The following SYTL3 variants were observed in gnomAD, a reference collection of about 807,000 sequenced individuals.
The protein encoded by SYTL3 is synaptotagmin like 3.
Under a neutral mutation model 82.1 loss-of-function variants are expected in SYTL3, and 88 were observed. The ratio of observed to expected loss-of-function variants is 1.07; its 90% confidence interval spans 0.90 to 1.28. SYTL3 has a LOEUF of 1.28. SYTL3 is among the 50% of genes most tolerant of loss of function. SYTL3 has a pLI of 0.00. For synonymous variants in SYTL3, 311 were observed against 289.4 expected, an observed-to-expected ratio of 1.07 and a Z score of -0.76; for missense variants, 831 against 757.6, an observed-to-expected ratio of 1.10 and a Z score of -1.14.
At chr6:158,718,292 A>T in intron 10 of SYTL3, 81 bp downstream of exon 10, 1 of 1,299,914 alleles carries the variant, frequency 7.7e-7, no homozygotes, top group East Asian at 3.0e-5. Flanking sequence ...TTCTCTGTAG[A>T]TTTATGTTTT....
intron 6 of SYTL3, among the ~76,000 whole-genome samples, chr6:158,702,643 G>A (rs984655690): frequency 2.0e-5 from 3 of 152,054 alleles, no homozygotes; most frequent in Non-Finnish European, 2.9e-5. Context: ...GAAAATGTTC[G>A]AATAGAAGCA....
intron 5 of SYTL3, among the ~76,000 whole-genome samples, chr6:158,672,240 G>T (rs533103227): frequency 1.6e-4 from 25 of 152,138 alleles, no homozygotes; most frequent in Non-Finnish European, 3.4e-4. Flanking sequence ...GCAGTGAGCC[G>T]AGATTGCACT....
chr6:158,659,606 C>T (rs151277525), intron 2 of SYTL3, among the ~76,000 whole-genome samples: 2,765 of 152,294 alleles, frequency 0.018, 90 homozygotes, highest in African/African-American at 0.063. Context: ...CCGCCCGCCT[C>T]GGCCTCCCAG....
At chr6:158,762,362 G>A (rs1790091494) in intron 16 of SYTL3, among the ~76,000 whole-genome samples, 184 bp downstream of exon 16, 2 of 152,032 alleles carry the variant, frequency 1.3e-5, no homozygotes, top group Non-Finnish European at 1.5e-5. Context: ...ATGTGTACAT[G>A]CTGGAGTACT....
intron 6 of SYTL3, among the ~76,000 whole-genome samples, chr6:158,704,150 A>T (rs1188157944): frequency 1.4e-4 from 5 of 34,744 alleles, no homozygotes; most frequent in African/African-American, 8.6e-4. Context: ...TTAAATGGTT[A>T]AAAAAAAAAA....
At chr6:158,651,912 A>T (rs1241605816) in intron 2 of SYTL3, 70 bp downstream of exon 2, 2 of 150,878 alleles carry the variant, frequency 1.3e-5, no homozygotes, top group African/African-American at 2.4e-5. Context: ...TTATTTATTT[A>T]TTTTTATGTA....
intron 13 of SYTL3, among the ~76,000 whole-genome samples, chr6:158,756,718 AATTTTTTTTT>A (rs1789137158): frequency 2.1e-5 from 1 of 47,396 alleles, no homozygotes; most frequent in Non-Finnish European, 4.0e-5. Context: ...CTCAAAAAAA[AATTTTTTTTT>A]TTTTTTTTTT....
At chr6:158,752,973 A>G (rs930618855) in intron 13 of SYTL3, among the ~76,000 whole-genome samples, 1 of 152,176 alleles carries the variant, frequency 6.6e-6, no homozygotes, top group Non-Finnish European at 1.5e-5. Flanking sequence ...AGACCTAGAG[A>G]GTCCTTAGAA....
At chr6:158,756,719 A>ATTTTTTTTTTTTT (rs758259824) in intron 13 of SYTL3, among the ~76,000 whole-genome samples, 1 of 48,566 alleles carries the variant, frequency 2.1e-5, no homozygotes, top group Non-Finnish European at 3.4e-5. Flanking sequence ...TCAAAAAAAA[A>ATTTTTTTTTTTTT]TTTTTTTTTT....
chr6:158,701,547 TG>T (rs149261092), intron 6 of SYTL3, among the ~76,000 whole-genome samples: 1 of 34,024 alleles, frequency 2.9e-5, no homozygotes, highest in East Asian at 8.8e-4. Flanking sequence ...AGAGCTGTTC[TG>T]GGGGGGAGGA....
In SYTL3 at chr6:158,663,192, C is replaced by T. The variant is rs774477639; in HGVS notation, c.-77C>T. 9.8e-5 allele frequency: 130 copies of T among 1,330,820 alleles called. No individual in the cohort carries two copies. The highest frequency in any genetic ancestry group is 2.7e-4 in the South Asian group (22 of 82,752). 82.4% of individuals were successfully genotyped at this position (1,330,820 alleles called of 1,614,324 possible). ...AAGGCTGGCTGCAGCTGGCCTCCGC[C>T]GCTCATCTGCAGGGCGTGAGCGCTT... On this transcript the variant is annotated 5_prime_UTR_variant, in exon 4 of 18. Transcript: ENST00000611299.
chr6:158,669,996 G>A (rs1777181552), intron 5 of SYTL3, among the ~76,000 whole-genome samples: 1 of 152,134 alleles, frequency 6.6e-6, no homozygotes, highest in Non-Finnish European at 1.5e-5. Context: ...TTTCAGATAA[G>A]GACTTAAGAT....
At chr6:158,707,176 A>G (rs1782193835) in intron 6 of SYTL3, 54 bp from the exon 7 acceptor site, 2 of 1,533,880 alleles carry the variant, frequency 1.3e-6, no homozygotes, top group Non-Finnish European at 1.8e-6. Context: ...CTGTATTTAC[A>G]TTAGCTAAGT....
chr6:158,691,566 CT>C lies in SYTL3; in HGVS notation c.394+8584del, dbSNP rs997900440. On this transcript the variant is annotated intron_variant, in intron 6 of 17. Coordinates refer to ENST00000611299, the MANE Select transcript of SYTL3 (RefSeq NM_001242394.2). Reference sequence around the variant, plus strand: ...CCTCCCTGTAAATGCACCTCTTTTACTTTTTTTCTTTTTTTTAACAACCATG... The same window carrying C: ...CCTCCCTGTAAATGCACCTCTTTTACTTTTTTCTTTTTTTTAACAACCATG... Among the ~76,000 whole-genome samples, 104 of 152,176 alleles carry C rather than the reference CT, an allele frequency of 6.8e-4. 1 individual carries two copies. Among genetic ancestry groups the C allele is most frequent in the African/African-American group, 2.4e-3 (99 of 41,536 alleles).
rs1457854873 is a variant in SYTL3, at chr6:158,763,371, C to T, written c.1585C>T (p.Pro529Ser). The T allele has an allele frequency of 2.5e-6, 4 of 1,614,208 alleles. No individual in the cohort carries two copies. The highest frequency in any genetic ancestry group is 1.1e-5 in the South Asian group (1 of 91,080). The change falls in exon 17 of 18, where the codon CCC becomes TCC. Residue 529 changes from proline (P) to serine (S), a missense_variant. Coordinates refer to ENST00000611299, the MANE Select transcript of SYTL3 (RefSeq NM_001242394.2). Reference sequence around the variant, plus strand: ...GCCAGTCCTGAGGAAGCAGGCTTGCCCCCAGTGGAAACACTCATTTGTCTT... The same window carrying T: ...GCCAGTCCTGAGGAAGCAGGCTTGCTCCCAGTGGAAACACTCATTTGTCTT... ...KSPVLRKQAC[P>S]QWKHSFVFSG...
Position 158,665,419 on chromosome 6 carries a change from T to C in SYTL3, c.135T>C (p.His45=). The C allele has an allele frequency of 6.2e-7, 1 of 1,602,432 alleles. No individual in the cohort carries two copies. Among genetic ancestry groups the C allele is most frequent in the Non-Finnish European group, 8.5e-7 (1 of 1,174,436 alleles). ...RTRKLKTHLQ[H]LRWKGAKNTD... The stretch of plus-strand genomic sequence containing the variant: ...GGAAACTGAAAACACACCTGCAGCA[T>C]CTCCGGTGGAAAGGAGCGAAGAACA... The change falls in exon 5 of 18, where the codon CAT becomes CAC. Residue 45 remains histidine (H), a synonymous_variant. Transcript: ENST00000611299.
intron 13 of SYTL3, among the ~76,000 whole-genome samples, chr6:158,752,857 C>T (rs1216907849): frequency 6.6e-6 from 1 of 152,146 alleles, no homozygotes; most frequent in Non-Finnish European, 1.5e-5. Context: ...GCCCTGAGTT[C>T]ATTAAATAAT....
Position 158,665,398 on chromosome 6 carries a change from A to G in SYTL3, c.114A>G (p.Lys38=). 1 of 1,585,034 alleles carries G rather than the reference A, an allele frequency of 6.3e-7. No homozygotes were observed. The change falls in exon 5 of 18, where the codon AAA becomes AAG. Residue 38 remains lysine, a synonymous_variant. Coordinates refer to ENST00000611299, the MANE Select transcript of SYTL3 (RefSeq NM_001242394.2). ...VQNTEEERTR[K]LKTHLQHLRW... The stretch of plus-strand genomic sequence containing the variant: ...TCTTTAACTCTGAGGGCTGCAGGAA[A>G]CTGAAAACACACCTGCAGCATCTCC...
intron 6 of SYTL3, among the ~76,000 whole-genome samples, chr6:158,689,002 T>C (rs59534053): frequency 0.088 from 13,415 of 152,244 alleles, 1,726 homozygotes; most frequent in African/African-American, 0.28. Flanking sequence ...ATAAATATCA[T>C]TGGCTATATG....
Sources: allele counts gnomAD v4.1 joint callset (sites outside exome capture counted in the v4.1 genomes callset), GRCh38; gene constraint gnomAD v4.1.1; transcripts MANE v1.5; gene names NCBI Gene and HGNC (gene_info 2026-07-23, HGNC 2026-07-21).